ERBB4: variants seen among roughly 807,000 people sequenced by gnomAD.
ERBB4 encodes the protein erb-b2 receptor tyrosine kinase 4.
A neutral mutation model predicts 158.0 loss-of-function variants in ERBB4; 42 were observed. That is an observed-to-expected ratio of 0.27 (90% CI 0.21 to 0.34). The LOEUF is 0.34. Ranked by LOEUF, ERBB4 falls within the 10% of genes least tolerant of loss-of-function variation. ERBB4 has a pLI of 1.00. For missense variants in ERBB4, 1,333 were observed against 1,624.1 expected (o/e 0.82, Z 3.08); for synonymous variants, 583 against 558.7 (o/e 1.04, Z -0.61).
At chr2:211,728,164 C>A (rs2074325461) in intron 5 of ERBB4, among the ~76,000 whole-genome samples, 1 of 151,758 alleles carries the variant, frequency 6.6e-6, no homozygotes, top group South Asian at 2.1e-4. Context: ...GAACCTTCAT[C>A]TTCTTTTTTC....
rs554884886 is a variant in ERBB4 at position 212,197,972 on chromosome 2, T to C, written c.83-73069A>G. ...ACAGATCCCCTCAAGAACCAAACTATGAGGCTGCTAAATGGAGAACACACT... is the reference window on the plus strand; with the variant it reads ...ACAGATCCCCTCAAGAACCAAACTACGAGGCTGCTAAATGGAGAACACACT... On this transcript the variant is annotated intron_variant, in intron 1 of 27. Coordinates refer to ENST00000342788, the MANE Select transcript of ERBB4 (RefSeq NM_005235.3). 4.7e-4 allele frequency among the ~76,000 whole-genome samples: 72 copies of C among 152,304 alleles called. 1 individual carries two copies. The highest frequency in any genetic ancestry group is 8.7e-4 in the Non-Finnish European group (59 of 68,016).
intron 5 of ERBB4, among the ~76,000 whole-genome samples, chr2:211,743,449 C>A (rs2074859725): frequency 6.6e-6 from 1 of 152,056 alleles, no homozygotes; most frequent in South Asian, 2.1e-4. Flanking sequence ...AGAGAGCTGG[C>A]CTGATATTGT....
intron 3 of ERBB4, among the ~76,000 whole-genome samples, chr2:211,916,176 A>ATTC (rs946732253): frequency 2.0e-5 from 3 of 151,488 alleles, no homozygotes; most frequent in Non-Finnish European, 4.4e-5. Flanking sequence ...TATTATTATT[A>ATTC]TTTATTTTGT....
chr2:211,650,755 T>C lies in ERBB4; in HGVS notation c.1946+6999A>G, dbSNP rs536168213. ...ATTCTAGCAGACATATTTAAGAAGA[T>C]GAAATTAATTGTATTTATTTACCCA... On this transcript the variant is annotated intron_variant, in intron 16 of 27. Transcript: ENST00000342788. Among the ~76,000 whole-genome samples the C allele has an allele frequency of 3.9e-5, 6 of 152,288 alleles. No homozygotes were observed. The Middle Eastern group carries it at 0.01, about 259-fold the overall frequency.
At chr2:211,486,922 A>C (rs2065218638) in intron 20 of ERBB4, among the ~76,000 whole-genome samples, 1 of 152,110 alleles carries the variant, frequency 6.6e-6, no homozygotes, top group African/African-American at 2.4e-5. Flanking sequence ...CTTTGTATAG[A>C]ATATAACAGC....
At chr2:211,697,158 A>C (rs1025042413) in intron 12 of ERBB4, among the ~76,000 whole-genome samples, 1 of 152,188 alleles carries the variant, frequency 6.6e-6, no homozygotes, top group African/African-American at 2.4e-5. Flanking sequence ...GGTGGTTGTA[A>C]TAACTAAATT....
At chr2:211,624,797 G>C (rs1047110413) in intron 17 of ERBB4, among the ~76,000 whole-genome samples, 2 of 152,106 alleles carry the variant, frequency 1.3e-5, no homozygotes, top group African/African-American at 4.8e-5. Flanking sequence ...ATGAAAATGG[G>C]TTGGTATTGG....
chr2:211,745,779 T>C (rs2074955475), intron 5 of ERBB4, among the ~76,000 whole-genome samples: 1 of 148,546 alleles, frequency 6.7e-6, no homozygotes, highest in Admixed American at 6.8e-5. Flanking sequence ...ATTTTATAGA[T>C]ATGGTAATGA....
chr2:212,394,830 G>C (rs1252185274), intron 1 of ERBB4, among the ~76,000 whole-genome samples: 1 of 152,086 alleles, frequency 6.6e-6, no homozygotes, highest in African/African-American at 2.4e-5. Flanking sequence ...AAATGACGCT[G>C]CATTTGGAAA....
intron 15 of ERBB4, among the ~76,000 whole-genome samples, chr2:211,662,667 A>C (rs769843171): frequency 2.0e-5 from 3 of 152,230 alleles, no homozygotes; most frequent in African/African-American, 4.8e-5. Flanking sequence ...ATTAGTGAGA[A>C]TCTTCTGATA....
At chr2:211,742,136 T>C (rs2074821527) in intron 5 of ERBB4, among the ~76,000 whole-genome samples, 2 of 152,224 alleles carry the variant, frequency 1.3e-5, no homozygotes, top group Non-Finnish European at 2.9e-5. Context: ...CTCGCTGTTA[T>C]CCTGATTGAT....
intron 5 of ERBB4, among the ~76,000 whole-genome samples, chr2:211,743,469 TAAA>T (rs1483427631): frequency 2.0e-5 from 3 of 152,172 alleles, no homozygotes; most frequent in African/African-American, 4.8e-5. Flanking sequence ...TGCTTAAAGA[TAAA>T]AAAGGACATG....
At chr2:212,019,323 A>AT (rs937242017) in intron 2 of ERBB4, among the ~76,000 whole-genome samples, 6 of 151,996 alleles carry the variant, frequency 3.9e-5, no homozygotes. Context: ...AATAAACCTT[A>AT]TTTTTCCATA....
Position 211,665,336 on chromosome 2 carries a change from T to C in ERBB4, c.1858A>G (p.Asn620Asp). The C allele has an allele frequency of 6.2e-7, 1 of 1,614,154 alleles. No homozygotes were observed. The highest frequency in any genetic ancestry group is 8.5e-7 in the Non-Finnish European group (1 of 1,180,012). The change falls in exon 15 of 28, where the codon AAC (asparagine) becomes GAC (aspartate). Residue 620 changes from asparagine to aspartate, a missense_variant. Around this residue, in one of 5 missense-constraint regions of ERBB4, gnomAD observed 245 missense variants for 247.5 expected, o/e 0.99. Coordinates refer to ENST00000342788, the MANE Select transcript of ERBB4 (RefSeq NM_005235.3). ...PDRECHPCHP[N>D]CTQGCNGPTS... is the part of the protein sequence containing the mutation. ...AAGAATGCTTACCCTTGGGTGCAGTTTGGATGGCATGGGTGGCACTCCCGA... is the reference window on the plus strand; with the variant it reads ...AAGAATGCTTACCCTTGGGTGCAGTCTGGATGGCATGGGTGGCACTCCCGA...
At chr2:211,842,933 T>C (rs1489420504) in intron 3 of ERBB4, among the ~76,000 whole-genome samples, 1 of 152,120 alleles carries the variant, frequency 6.6e-6, no homozygotes, top group Non-Finnish European at 1.5e-5. Context: ...GATAGCTACA[T>C]GATCCTGGAC....
At chr2:212,377,959 T>C (rs1322960235) in intron 1 of ERBB4, among the ~76,000 whole-genome samples, 1 of 151,698 alleles carries the variant, frequency 6.6e-6, no homozygotes, top group Non-Finnish European at 1.5e-5. Flanking sequence ...CCTATTTTTA[T>C]CTTTTAATTT....
rs367615743 is a variant in ERBB4 at position 211,431,199 on chromosome 2, T to C, written c.2488-99A>G. 23 of 1,053,092 alleles carry C rather than the reference T, an allele frequency of 2.2e-5. No individual in the cohort carries two copies. The South Asian group carries it at 2.9e-4, about 13-fold the overall frequency. The allele number at this position is 1,053,092 out of a possible 1,614,324, so 65.2% of individuals were successfully genotyped here. On this transcript the variant is annotated intron_variant, in intron 20 of 27. Coordinates refer to ENST00000342788, the MANE Select transcript of ERBB4 (RefSeq NM_005235.3). ...TTAGCCTTCAGTTGGAAGTGCCTAATTTTTTAAGTGAAGCCAGAATCCTAG... is the reference window on the plus strand; with the variant it reads ...TTAGCCTTCAGTTGGAAGTGCCTAACTTTTTAAGTGAAGCCAGAATCCTAG...
chr2:212,109,021 T>C (rs1305524381), intron 2 of ERBB4, among the ~76,000 whole-genome samples: 1 of 152,088 alleles, frequency 6.6e-6, no homozygotes. Flanking sequence ...TTCTCCCTTT[T>C]TCTTGCTGCC....
intron 3 of ERBB4, among the ~76,000 whole-genome samples, chr2:211,944,189 A>ATGTAGTG (rs1553517891): frequency 1.9e-5 from 1 of 51,726 alleles, no homozygotes; most frequent in African/African-American, 1.0e-4. Context: ...ATATATATAT[A>ATGTAGTG]TATATATATA....
Sources: gnomAD v4.1 joint callset for allele counts (sites outside exome capture counted in the v4.1 genomes callset) on GRCh38, gnomAD v4.1.1 for gene constraint, gnomAD v4.1.1 regional missense constraint, MANE v1.5 for transcripts, NCBI Gene and HGNC (gene_info 2026-07-23, HGNC 2026-07-21) for gene names.